Variants in NPLOC4 observed in about 807,000 individuals in gnomAD.
NPLOC4 encodes the protein nuclear protein localization protein 4 homolog.
A neutral mutation model predicts 80.6 loss-of-function variants in NPLOC4; 18 were observed. The ratio of observed to expected loss-of-function variants is 0.22; its 90% CI spans 0.15 to 0.33. NPLOC4 has a LOEUF of 0.33. Among genes scored for constraint, NPLOC4 ranks in the 10% least tolerant of loss-of-function variants. NPLOC4 has a pLI of 1.00. For synonymous variants in NPLOC4, 313 were observed against 301.5 expected (o/e 1.04, Z -0.39); for missense variants, 540 against 786.1 (o/e 0.69, Z 3.74).
chr17:81,609,835 G>T (rs2144239467), intron 5 of NPLOC4, among the ~76,000 whole-genome samples: 1 of 152,310 alleles, frequency 6.6e-6, no homozygotes, highest in East Asian at 1.9e-4. Flanking sequence ...GTCTCACCAG[G>T]ACAAACCAGT....
chr17:81,600,447 G>A lies in NPLOC4; in HGVS notation c.835-20C>T. On this transcript the variant is annotated intron_variant, in intron 8 of 16. Transcript: ENST00000331134. ...ACCAATCTGCAGGGAATCAAAGGGA[G>A]AAGATGGACTTAGAGCAGAGGGCTC... 2 of 1,596,230 alleles carry A rather than the reference G, an allele frequency of 1.3e-6. No individual in the cohort carries two copies. Among genetic ancestry groups the A allele is most frequent in the Non-Finnish European group, 1.7e-6 (2 of 1,167,222 alleles).
rs575647139 is a variant in NPLOC4, at chr17:81,602,546, T to G, written c.834+2002A>C. ...GGTGAAACCCTGTCTCTACTAAAAT[T>G]ACAAAAATTAGCCAGGCGTGGTGGC... On this transcript the variant is annotated intron_variant, in intron 8 of 16. Coordinates refer to ENST00000331134, the MANE Select transcript of NPLOC4 (RefSeq NM_017921.4). Among the ~76,000 whole-genome samples, 4 of 151,550 alleles carry G rather than the reference T, an allele frequency of 2.6e-5. No homozygotes were observed. In the East Asian group the frequency reaches 7.8e-4, roughly 29 times the overall value.
rs577995332 is a variant in NPLOC4, at chr17:81,634,470, A to T, written c.15+2446T>A. On this transcript the variant is annotated intron_variant, in intron 1 of 16. Transcript: ENST00000331134. ...GGGAAAAAAAAAATGGCCTTGTCTG[A>T]AACACTTTTCACTTGTCAATGGTTA... Among the ~76,000 whole-genome samples, 8 of 152,134 alleles carry T rather than the reference A, an allele frequency of 5.3e-5. No individual in the cohort carries two copies. The East Asian group carries it at 1.5e-3, about 29-fold the overall frequency.
At chr17:81,624,959 G>C (rs1263675177) in intron 2 of NPLOC4, among the ~76,000 whole-genome samples, 3 of 152,230 alleles carry the variant, frequency 2.0e-5, no homozygotes, top group Non-Finnish European at 2.9e-5. Context: ...ACAGACGAAA[G>C]GCAGGGGGAA....
At chr17:81,626,431 C>G (rs2035797846) in intron 2 of NPLOC4, among the ~76,000 whole-genome samples, 1 of 152,130 alleles carries the variant, frequency 6.6e-6, no homozygotes, top group Non-Finnish European at 1.5e-5. Context: ...TCAGCAAACT[C>G]TCTCAAGTTA....
rs2034423430 is a variant in NPLOC4, at chr17:81,580,993, A to AC, written c.1281+7950dup. ...ATCCCCAGTGGCCCTGGGCCAGCCC[A>AC]CCCGTGGGCTTATGCCCGTCAGACT... On this transcript the variant is annotated intron_variant, in intron 12 of 16. Coordinates refer to ENST00000331134, the MANE Select transcript of NPLOC4 (RefSeq NM_017921.4). This position sits in a 1 kb window ranked among gnomAD's most constrained non-coding sequence, Gnocchi z 4.4. Among the ~76,000 whole-genome samples, 1 of 152,128 alleles carries AC rather than the reference A, an allele frequency of 6.6e-6. No homozygotes were observed. Among genetic ancestry groups the AC allele is most frequent in the African/African-American group, 2.4e-5 (1 of 41,416 alleles).
intron 8 of NPLOC4, among the ~76,000 whole-genome samples, chr17:81,601,190 CCATA>C (rs1295698401): frequency 3.3e-5 from 5 of 152,078 alleles, no homozygotes; most frequent in African/African-American, 9.7e-5. Flanking sequence ...GAAACCCCAG[CCATA>C]AGAATAGGAA....
intron 4 of NPLOC4, among the ~76,000 whole-genome samples, chr17:81,611,959 CAAAAAAA>C (rs11401963): frequency 1.9e-5 from 2 of 104,270 alleles, no homozygotes; most frequent in East Asian, 3.6e-4. Context: ...GAGTCCATCT[CAAAAAAA>C]AAAAAAAAAA....
chr17:81,635,568 C>T (rs77692287), intron 1 of NPLOC4, among the ~76,000 whole-genome samples: 17,253 of 152,078 alleles, frequency 0.11, 1,203 homozygotes, highest in Non-Finnish European at 0.15. Context: ...CTCATTCTGT[C>T]GCCCAGGGTG....
In NPLOC4 at chr17:81,557,443, CGGAA is replaced by C. The variant is rs1568106543; in HGVS notation, c.*1812_*1815del. ...TAAGGGAAATGCTGGTGGAGGACAA[CGGAA>C]ACTATAATAGCGTGGTGGATAAGGA... On this transcript the variant is annotated 3_prime_UTR_variant, in exon 17 of 17. Coordinates refer to ENST00000331134, the MANE Select transcript of NPLOC4 (RefSeq NM_017921.4). 2.0e-5 allele frequency: 3 copies of C among 152,266 alleles called. No individual in the cohort carries two copies. Among genetic ancestry groups the C allele is most frequent in the African/African-American group, 4.8e-5 (2 of 41,422 alleles). The allele number at this position is 152,266 out of a possible 1,614,324, so 9.4% of individuals were successfully genotyped here.
At chr17:81,582,297 C>G (rs143146254) in intron 12 of NPLOC4, among the ~76,000 whole-genome samples, 2 of 152,332 alleles carry the variant, frequency 1.3e-5, no homozygotes, top group Non-Finnish European at 2.9e-5. Context: ...ACATCCGTAC[C>G]AGGAGGTTTT....
At position 81,597,237 on chromosome 17, in the gene NPLOC4, C is replaced by T; in HGVS notation, c.993+8G>A. On this transcript the variant is annotated splice_region_variant and intron_variant, in intron 10 of 16. Coordinates refer to ENST00000331134, the MANE Select transcript of NPLOC4 (RefSeq NM_017921.4). The stretch of plus-strand genomic sequence containing the variant: ...AGGGCCACACGCACAGTCCTGTCTC[C>T]ACCTCACCTTATTTCGACTGTAGCG... 1.2e-6 allele frequency: 2 copies of T among 1,611,718 alleles called. No individual in the cohort carries two copies. The highest frequency in any genetic ancestry group is 4.5e-5 in the East Asian group (2 of 44,870).
rs1376574139 is a variant in NPLOC4, at chr17:81,557,957, C to T, written c.*1302G>A. 1.3e-5 allele frequency: 2 copies of T among 152,852 alleles called. No homozygotes were observed. The highest frequency in any genetic ancestry group is 4.8e-5 in the African/African-American group (2 of 41,456). 9.5% of individuals were successfully genotyped at this position (152,852 alleles called of 1,614,324 possible). A position where few individuals can be genotyped will look rare whatever the true frequency, so the allele number is the denominator to read the frequency against. ...GAATGTGGGTCACGTGGGCTTACCCCCCAGGATGGACACAGAAGTCCCTAA... is the reference window on the plus strand; with the variant it reads ...GAATGTGGGTCACGTGGGCTTACCCTCCAGGATGGACACAGAAGTCCCTAA... On this transcript the variant is annotated 3_prime_UTR_variant, in exon 17 of 17. Coordinates refer to ENST00000331134, the MANE Select transcript of NPLOC4 (RefSeq NM_017921.4).
chr17:81,569,900 C>T (rs890643929), intron 13 of NPLOC4, among the ~76,000 whole-genome samples: 2 of 152,154 alleles, frequency 1.3e-5, no homozygotes, highest in African/African-American at 4.8e-5. Context: ...TGACAGACAC[C>T]CCTCCCCAAA....
chr17:81,580,886 C>G lies in NPLOC4; in HGVS notation c.1281+8058G>C, dbSNP rs1189798290. Among the ~76,000 whole-genome samples, 1 of 152,222 alleles carries G rather than the reference C, an allele frequency of 6.6e-6. No homozygotes were observed. On this transcript the variant is annotated intron_variant, in intron 12 of 16. Transcript: ENST00000331134. This position sits in a 1 kb window ranked among gnomAD's most constrained non-coding sequence, Gnocchi z 4.4. ...ACCCAAACACAACAGCTCTCGCTCCCCGCTCAGCTCTGAAGGGCCCAGGGC... is the reference window on the plus strand; with the variant it reads ...ACCCAAACACAACAGCTCTCGCTCCGCGCTCAGCTCTGAAGGGCCCAGGGC...
intron 4 of NPLOC4, 36 bp downstream of exon 4, chr17:81,613,282 C>T (rs746210652): frequency 6.3e-7 from 1 of 1,580,048 alleles, no homozygotes; most frequent in East Asian, 2.3e-5. Flanking sequence ...TTAAGATCAC[C>T]ACAAGTAGGA....
At chr17:81,606,182 CGAG>C (rs1382659257) in intron 7 of NPLOC4, among the ~76,000 whole-genome samples, 1 of 152,010 alleles carries the variant, frequency 6.6e-6, no homozygotes, top group Non-Finnish European at 1.5e-5. Flanking sequence ...CCAAAAAAGT[CGAG>C]GAGGCCACGG....
chr17:81,597,194 C>A, intron 10 of NPLOC4, 51 bp downstream of exon 10: 1 of 1,383,046 alleles, frequency 7.2e-7, no homozygotes, highest in Non-Finnish European at 1.0e-6. Context: ...AGGCCAACAC[C>A]ATCTGTAACC....
chr17:81,591,440 T>TAAAA, intron 11 of NPLOC4, among the ~76,000 whole-genome samples: 1 of 11,894 alleles, frequency 8.4e-5, no homozygotes, highest in Non-Finnish European at 2.0e-4. Context: ...ATCTCTGGAG[T>TAAAA]AAAACAGAAA....
Sources: gnomAD v4.1 joint callset for allele counts (sites outside exome capture counted in the v4.1 genomes callset) on GRCh38, gnomAD v4.1.1 for gene constraint, Gnocchi (gnomAD v3.1) non-coding constraint, MANE v1.5 for transcripts, NCBI Gene and HGNC (gene_info 2026-07-23, HGNC 2026-07-21) for gene names.